LRRC38: variants seen among roughly 807,000 people sequenced by gnomAD.
LRRC38 encodes leucine rich repeat containing 38.
LRRC38 carries 5 observed loss-of-function variants against 16.4 expected under a neutral mutation model. The observed-to-expected ratio is 0.31, with a 90% CI of 0.16 to 0.64. The LOEUF (loss-of-function observed/expected upper bound fraction) is 0.64. Ranked by LOEUF, LRRC38 falls within the 30% of genes least tolerant of loss-of-function variation. LRRC38 has a pLI of 0.80. For missense variants in LRRC38, 341 were observed against 401.8 expected (o/e 0.85, Z 1.29); for synonymous variants, 191 against 190.2 (o/e 1.00, Z -0.04).
At chr1:13,510,281 G>T (rs931179500) in intron 1 of LRRC38, among the ~76,000 whole-genome samples, 2 of 152,144 alleles carry the variant, frequency 1.3e-5, no homozygotes, top group African/African-American at 4.8e-5. Flanking sequence ...TGGTCCTCAC[G>T]GAGGAGGTAC....
chr1:13,509,127 CAT>C (rs929848883), intron 1 of LRRC38, among the ~76,000 whole-genome samples: 22 of 152,254 alleles, frequency 1.4e-4, no homozygotes, highest in Middle Eastern at 3.4e-3. Flanking sequence ...CAAGGCATGA[CAT>C]GTGGTTCTGT....
chr1:13,509,346 C>T (rs1057073777), intron 1 of LRRC38, among the ~76,000 whole-genome samples: 2 of 152,114 alleles, frequency 1.3e-5, no homozygotes, highest in African/African-American at 2.4e-5. Context: ...GCTGCAAGTG[C>T]CCCTCCTGTG....
intron 1 of LRRC38, among the ~76,000 whole-genome samples, chr1:13,504,936 G>A (rs1431566961): frequency 4.6e-5 from 7 of 152,076 alleles, no homozygotes; most frequent in East Asian, 1.9e-4. Context: ...GCATATGAGC[G>A]AGGAAAAGGG....
At chr1:13,489,992 G>A (rs1156235948) in intron 1 of LRRC38, among the ~76,000 whole-genome samples, 3 of 152,104 alleles carry the variant, frequency 2.0e-5, no homozygotes, top group African/African-American at 7.2e-5. Context: ...GGTGTGACCT[G>A]TGTCTGAATC....
rs1180228464 is a variant in LRRC38, at chr1:13,487,489, G to A, written c.632-11390C>T. 6.6e-6 allele frequency among the ~76,000 whole-genome samples: 1 copy of A among 152,164 alleles called. No homozygotes were observed. Among genetic ancestry groups the A allele is most frequent in the Non-Finnish European group, 1.5e-5 (1 of 68,022 alleles). ...ACCCACTGAAACCAAAGTGGGCTCC[G>A]TCTCATTCTGGCCTAGGCAGAACAG... On this transcript the variant is annotated intron_variant, in intron 1 of 1. Coordinates refer to ENST00000376085, the MANE Select transcript of LRRC38 (RefSeq NM_001010847.2). The surrounding 1 kb of genome is among the most constrained non-coding windows in gnomAD (Gnocchi z 4.4).
chr1:13,491,862 G>A (rs1569922954), intron 1 of LRRC38, among the ~76,000 whole-genome samples: 2 of 152,256 alleles, frequency 1.3e-5, no homozygotes, highest in East Asian at 3.9e-4. Context: ...TTTTAGCACA[G>A]ACAGGGTTTC....
At chr1:13,507,647 C>G (rs911953469) in intron 1 of LRRC38, among the ~76,000 whole-genome samples, 23 of 151,746 alleles carry the variant, frequency 1.5e-4, no homozygotes, top group African/African-American at 5.3e-4. Flanking sequence ...GCCTGGCCAA[C>G]ATGGTGAAAC....
intron 1 of LRRC38, among the ~76,000 whole-genome samples, chr1:13,476,824 A>G (rs906074359): frequency 1.8e-4 from 27 of 152,300 alleles, no homozygotes; most frequent in African/African-American, 6.0e-4. Flanking sequence ...GCCACTTTCC[A>G]ACTTAGATAC....
chr1:13,496,303 G>A (rs1379711982), intron 1 of LRRC38, among the ~76,000 whole-genome samples: 1 of 152,028 alleles, frequency 6.6e-6, no homozygotes, highest in Non-Finnish European at 1.5e-5. Flanking sequence ...CAAGTAGCTG[G>A]GACTACAGGT....
At chr1:13,509,590 G>A (rs1321256309) in intron 1 of LRRC38, among the ~76,000 whole-genome samples, 11 of 152,114 alleles carry the variant, frequency 7.2e-5, no homozygotes, top group Admixed American at 7.2e-4. Flanking sequence ...GTACCCAAGA[G>A]CTCTGCCCTC....
intron 1 of LRRC38, among the ~76,000 whole-genome samples, chr1:13,510,240 T>G (rs111569854): frequency 9.8e-4 from 149 of 152,262 alleles, no homozygotes; most frequent in Middle Eastern, 6.8e-3. Context: ...TGTACCCTCA[T>G]GGAGCCTGGT....
intron 1 of LRRC38, among the ~76,000 whole-genome samples, chr1:13,496,332 CTATT>C (rs1280357110): frequency 6.7e-6 from 1 of 150,200 alleles, no homozygotes; most frequent in Non-Finnish European, 1.5e-5. Flanking sequence ...CCAAACCTAG[CTATT>C]TATTTTTTAT....
rs577921402 is a variant in LRRC38 at position 13,475,577 on chromosome 1, C to T, written c.*269G>A. ...CAGCTATGAAGCCTGACTCGGTCAT[C>T]TTCTCCCCCAACACACACCTCGATC... On this transcript the variant is annotated 3_prime_UTR_variant, in exon 2 of 2. Coordinates refer to ENST00000376085, the MANE Select transcript of LRRC38 (RefSeq NM_001010847.2). The surrounding 1 kb of genome is among the most constrained non-coding windows in gnomAD (Gnocchi z 4.3). 1.5e-4 allele frequency: 65 copies of T among 434,748 alleles called. No homozygotes were observed. In the South Asian group the frequency reaches 2.3e-3, roughly 16 times the overall value. 26.9% of individuals were successfully genotyped at this position (434,748 alleles called of 1,614,324 possible).
intron 1 of LRRC38, among the ~76,000 whole-genome samples, chr1:13,501,587 T>C (rs1569933331): frequency 2.7e-5 from 1 of 36,554 alleles, no homozygotes; most frequent in African/African-American, 6.8e-5. Context: ...TTTTGTGGAG[T>C]TTTTTGTTTT....
chr1:13,501,980 T>G (rs1031328044), intron 1 of LRRC38, among the ~76,000 whole-genome samples: 1 of 151,896 alleles, frequency 6.6e-6, no homozygotes, highest in Non-Finnish European at 1.5e-5. Flanking sequence ...CAGGCTGGAA[T>G]GCAGTGGCAT....
chr1:13,492,919 C>G (rs1371335897), intron 1 of LRRC38, among the ~76,000 whole-genome samples: 1 of 152,116 alleles, frequency 6.6e-6, no homozygotes, highest in Non-Finnish European at 1.5e-5. Flanking sequence ...CCCCCCTGAC[C>G]CAGGCCTAAC....
intron 1 of LRRC38, among the ~76,000 whole-genome samples, chr1:13,480,612 G>T (rs1217881196): frequency 6.6e-6 from 1 of 152,102 alleles, no homozygotes; most frequent in Non-Finnish European, 1.5e-5. Flanking sequence ...GGGTTGGTAG[G>T]TTTCCCCCAT....
intron 1 of LRRC38, among the ~76,000 whole-genome samples, chr1:13,490,386 T>G (rs903440552): frequency 6.6e-6 from 1 of 152,156 alleles, no homozygotes; most frequent in African/African-American, 2.4e-5. Context: ...CTTGAACTCC[T>G]GACCTCAAGT....
chr1:13,494,393 C>T (rs1639055772), intron 1 of LRRC38, among the ~76,000 whole-genome samples: 1 of 138,614 alleles, frequency 7.2e-6, no homozygotes. Flanking sequence ...AGGCACTGTG[C>T]TAGACTTTTT....
Sources: gnomAD v4.1 joint callset for allele counts (sites outside exome capture counted in the v4.1 genomes callset) on GRCh38, gnomAD v4.1.1 for gene constraint, Gnocchi (gnomAD v3.1) non-coding constraint, MANE v1.5 for transcripts, NCBI Gene and HGNC (gene_info 2026-07-23, HGNC 2026-07-21) for gene names.